DTL: variants seen among roughly 807,000 people sequenced by gnomAD.
DTL encodes denticleless E3 ubiquitin protein ligase adapter, also known as denticleless protein homolog.
DTL carries 46 observed loss-of-function variants against 87.0 expected under a neutral mutation model. That is an observed-to-expected ratio of 0.53 (90% CI 0.42 to 0.68). The LOEUF (loss-of-function observed/expected upper bound fraction) is 0.68, where lower values mean the gene tolerates loss of function less well. Ranked by LOEUF, DTL falls within the 30% of genes least tolerant of loss-of-function variation. The probability of loss-of-function intolerance (pLI) is 0.00; values close to 1 mark genes in which losing one functional copy is unlikely to be tolerated. For missense variants in DTL, 737 were observed against 869.4 expected (o/e 0.85, Z 1.91); for synonymous variants, 308 against 311.2 (o/e 0.99, Z 0.11).
Position 212,080,661 on chromosome 1 carries a change from A to G in DTL, c.1172A>G (p.Asn391Ser). ...DDNTLKIWRL[N>S]RGLEEKPGGD... ...AATACACTAAAAATCTGGCGCTTGA[A>G]TAGAGGCTTAGAGGAGAAACCAGGA... The change falls in exon 13 of 15, where the codon AAT (asparagine) becomes AGT (serine). Residue 391 changes from asparagine (N) to serine (S), a missense_variant. Transcript: ENST00000366991. 1 of 1,613,712 alleles carries G rather than the reference A, an allele frequency of 6.2e-7. No homozygotes were observed. The highest frequency in any genetic ancestry group is 8.5e-7 in the Non-Finnish European group (1 of 1,179,652).
In DTL at chr1:212,066,845, C is replaced by G. The variant is rs2102552550; in HGVS notation, c.673C>G (p.Gln225Glu). The change falls in exon 8 of 15, where the codon CAA (glutamine) becomes GAA (glutamate). Residue 225 changes from glutamine (Q) to glutamate (E), a missense_variant. Coordinates refer to ENST00000366991, the MANE Select transcript of DTL (RefSeq NM_016448.4). ...GCAAAGTGTTACTGTGGTCCTCTTT[C>G]AAGACGAGAATACCTTAGTCTCAGC... ...FQQSVTVVLF[Q>E]DENTLVSAGA... The G allele has an allele frequency of 6.2e-7, 1 of 1,613,980 alleles. No homozygotes were observed. The highest frequency in any genetic ancestry group is 2.2e-5 in the East Asian group (1 of 44,870).
chr1:212,053,124 T>G (rs1298280664), intron 5 of DTL, among the ~76,000 whole-genome samples: 2 of 152,202 alleles, frequency 1.3e-5, no homozygotes, highest in Non-Finnish European at 2.9e-5. Flanking sequence ...TAATGTTCAG[T>G]TCTATTTTTC....
chr1:212,042,672 C>G (rs1470933714), intron 1 of DTL, among the ~76,000 whole-genome samples: 1 of 152,126 alleles, frequency 6.6e-6, no homozygotes, highest in Non-Finnish European at 1.5e-5. Flanking sequence ...GTGGTTGTCT[C>G]TTTGGTAGGA....
At chr1:212,070,524 TGTTTGAGCCTGGGAG>T (rs1187131741) in intron 10 of DTL, among the ~76,000 whole-genome samples, 1 of 151,826 alleles carries the variant, frequency 6.6e-6, no homozygotes, top group Non-Finnish European at 1.5e-5. Flanking sequence ...GTAGGAGGAT[TGTTTGAGCCTGGGAG>T]GTTTGAGTCT....
intron 1 of DTL, 93 bp from the exon 2 acceptor site, chr1:212,042,900 G>A (rs1289120174): frequency 7.9e-7 from 1 of 1,259,684 alleles, no homozygotes; most frequent in Non-Finnish European, 1.1e-6. Context: ...AATATCTAAA[G>A]TTTCTTAAGG....
intron 13 of DTL, among the ~76,000 whole-genome samples, chr1:212,081,022 G>C (rs1002123029): frequency 6.6e-6 from 1 of 151,896 alleles, no homozygotes; most frequent in Non-Finnish European, 1.5e-5. Context: ...ATTCAGCAAT[G>C]AACAAAAGAA....
At chr1:212,058,592 A>G (rs1384794414) in intron 5 of DTL, among the ~76,000 whole-genome samples, 2 of 152,242 alleles carry the variant, frequency 1.3e-5, no homozygotes, top group African/African-American at 4.8e-5. Context: ...CTATACCAAA[A>G]AAGTAGAAAG....
intron 1 of DTL, 33 bp from the exon 2 acceptor site, chr1:212,042,960 A>T: frequency 1.9e-6 from 3 of 1,564,404 alleles, no homozygotes; most frequent in Non-Finnish European, 8.6e-7. Context: ...GTGATGCTGT[A>T]TTGGAATTCT....
Position 212,053,368 on chromosome 1 carries a change from T to C in DTL, c.460+5951T>C, listed in dbSNP as rs545645828. ...ATGCCACCATGCCTGGCTAATTTCT[T>C]TTTGTATTTTTTGTAGAGATGGGGT... On this transcript the variant is annotated intron_variant, in intron 5 of 14. Coordinates refer to ENST00000366991, the MANE Select transcript of DTL (RefSeq NM_016448.4). Among the ~76,000 whole-genome samples the C allele has an allele frequency of 2.0e-5, 3 of 152,162 alleles. No individual in the cohort carries two copies. The East Asian group carries it at 5.8e-4, about 29-fold the overall frequency.
intron 11 of DTL, 74 bp downstream of exon 11, chr1:212,072,287 A>G: frequency 2.5e-6 from 3 of 1,183,900 alleles, no homozygotes; most frequent in Non-Finnish European, 3.8e-6. Flanking sequence ...CCAATATGAG[A>G]TAAGTTTAAT....
At chr1:212,048,953 C>A (rs977371093) in intron 5 of DTL, among the ~76,000 whole-genome samples, 1 of 152,092 alleles carries the variant, frequency 6.6e-6, no homozygotes, top group Non-Finnish European at 1.5e-5. Flanking sequence ...GACAAAGTCT[C>A]ACTCTGTTGC....
rs1001496206 is a variant in DTL, at chr1:212,073,233, T to C, written c.1035+1020T>C. The stretch of plus-strand genomic sequence containing the variant: ...TGTCTCTTGAAGGAATAATTAATTA[T>C]GGAAATGTTCTGGGAATTCAGAGAA... On this transcript the variant is annotated intron_variant, in intron 11 of 14. Coordinates refer to ENST00000366991, the MANE Select transcript of DTL (RefSeq NM_016448.4). 3.3e-5 allele frequency among the ~76,000 whole-genome samples: 5 copies of C among 152,220 alleles called. No homozygotes were observed. The East Asian group carries it at 7.7e-4, about 23-fold the overall frequency.
At chr1:212,036,016 A>G in intron 1 of DTL, 74 bp downstream of exon 1, 1 of 1,455,516 alleles carries the variant, frequency 6.9e-7, no homozygotes, top group Admixed American at 1.7e-5. Flanking sequence ...ACCTCCGACC[A>G]GGGCCGACTC....
At position 212,100,703 on chromosome 1, in the gene DTL, T is replaced by C; in HGVS notation, c.1713T>C (p.Cys571=). 3 of 1,614,156 alleles carry C rather than the reference T, an allele frequency of 1.9e-6. No individual in the cohort carries two copies. Among genetic ancestry groups the C allele is most frequent in the Non-Finnish European group, 2.5e-6 (3 of 1,180,028 alleles). The change falls in exon 14 of 15, where the codon TGT becomes TGC. Residue 571 remains cysteine, a synonymous_variant. Coordinates refer to ENST00000366991, the MANE Select transcript of DTL (RefSeq NM_016448.4). ...TGAAACAAAAGTGTGTGAAGAGTTG[T>C]AACTGTGTGACTGAGCTTGATGGCC... ...ESVKQKCVKS[C]NCVTELDGQV... is the part of the protein sequence containing the mutation.
intron 13 of DTL, 77 bp from the exon 14 acceptor site, chr1:212,100,175 T>C: frequency 4.4e-6 from 5 of 1,147,720 alleles, no homozygotes; most frequent in Non-Finnish European, 6.2e-6. Context: ...AGGTTAGCTA[T>C]GATTTTTCTT....
chr1:212,097,828 G>C (rs1245593071), intron 13 of DTL, among the ~76,000 whole-genome samples: 1 of 150,916 alleles, frequency 6.6e-6, no homozygotes, highest in Non-Finnish European at 1.5e-5. Flanking sequence ...TTGTTTTTCT[G>C]GTTCCTTCTC....
intron 3 of DTL, among the ~76,000 whole-genome samples, chr1:212,045,598 G>A (rs552483491): frequency 3.3e-5 from 5 of 152,296 alleles, no homozygotes; most frequent in Admixed American, 2.6e-4. Context: ...AAACACACTG[G>A]TGTCAAAGAG....
At chr1:212,073,422 G>A (rs1490199961) in intron 11 of DTL, among the ~76,000 whole-genome samples, 4 of 152,126 alleles carry the variant, frequency 2.6e-5, no homozygotes, top group African/African-American at 4.8e-5. Flanking sequence ...CCATAGTTCC[G>A]ATAGTATCAA....
At chr1:212,082,848 G>T (rs907715049) in intron 13 of DTL, among the ~76,000 whole-genome samples, 9 of 152,196 alleles carry the variant, frequency 5.9e-5, no homozygotes, top group African/African-American at 2.2e-4. Flanking sequence ...TGGGCTTCAA[G>T]AGTCAACTTG....
Sources: gnomAD v4.1 joint callset for allele counts (sites outside exome capture counted in the v4.1 genomes callset) on GRCh38, gnomAD v4.1.1 for gene constraint, MANE v1.5 for transcripts, NCBI Gene and HGNC (gene_info 2026-07-23, HGNC 2026-07-21) for gene names.